CD101: variants seen among roughly 807,000 people sequenced by gnomAD.
The protein encoded by CD101 is CD101 molecule.
In CD101, 76 loss-of-function variants were observed where a neutral mutation model predicts 98.2. That is an observed-to-expected ratio of 0.77 (90% CI 0.64 to 0.94). The LOEUF (loss-of-function observed/expected upper bound fraction) is 0.94. Among genes scored for constraint, CD101 ranks in the 40% least tolerant of loss-of-function variants. The probability of loss-of-function intolerance (pLI) is 0.00; values close to 1 mark genes in which losing one functional copy is unlikely to be tolerated. For missense variants in CD101, 1,145 were observed against 1,218.8 expected (o/e 0.94, Z 0.90); for synonymous variants, 471 against 472.7 (o/e 1.00, Z 0.05).
intron 9 of CD101, among the ~76,000 whole-genome samples, chr1:117,035,834 G>A (rs1363267089): frequency 1.3e-5 from 2 of 152,168 alleles, no homozygotes; most frequent in Non-Finnish European, 2.9e-5. Flanking sequence ...TTACAGGCGT[G>A]AGCCACCACG....
Position 117,004,736 on chromosome 1 carries a change from T to C in CD101, c.43+2876T>C, listed in dbSNP as rs1034711372. Reference sequence around the variant, plus strand: ...TGGCCCCAGTGCATAGCCATTTGAGTTGATCTCTGCCAGTCATGCCTTCTA... The same window carrying C: ...TGGCCCCAGTGCATAGCCATTTGAGCTGATCTCTGCCAGTCATGCCTTCTA... On this transcript the variant is annotated intron_variant, in intron 1 of 9. Transcript: ENST00000682167. This position sits in a 1 kb window ranked among gnomAD's most constrained non-coding sequence, Gnocchi z 4.1. 2.6e-5 allele frequency among the ~76,000 whole-genome samples: 4 copies of C among 152,110 alleles called. No homozygotes were observed.
chr1:117,031,604 G>C (rs1024972133), intron 8 of CD101, among the ~76,000 whole-genome samples: 1 of 152,212 alleles, frequency 6.6e-6, no homozygotes, highest in Non-Finnish European at 1.5e-5. Flanking sequence ...TTCTCTGTCT[G>C]TTCTCTTGGG....
At position 117,021,484 on chromosome 1, in the gene CD101, G is replaced by A; in HGVS notation, c.2018-89G>A. 9.3e-7 allele frequency: 1 copy of A among 1,070,780 alleles called. No homozygotes were observed. Among genetic ancestry groups the A allele is most frequent in the Non-Finnish European group, 1.3e-6 (1 of 761,620 alleles). The allele number at this position is 1,070,780 out of a possible 1,614,324, so 66.3% of individuals were successfully genotyped here. A position where few individuals can be genotyped will look rare whatever the true frequency, so the allele number is the denominator to read the frequency against. On this transcript the variant is annotated intron_variant, in intron 6 of 9. Coordinates refer to ENST00000682167, the MANE Select transcript of CD101 (RefSeq NM_001256106.3). The surrounding 1 kb of genome is among the most constrained non-coding windows in gnomAD (Gnocchi z 4.7). ...GAGTTCACCCATATGATGGCGGGAG[G>A]ATGCAGTGTCATACTTGACCTCTAA...
Position 117,023,940 on chromosome 1 carries a change from A to C in CD101, c.2429-1569A>C, listed in dbSNP as rs1203987217. On this transcript the variant is annotated intron_variant, in intron 7 of 9. Transcript: ENST00000682167. This position sits in a 1 kb window ranked among gnomAD's most constrained non-coding sequence, Gnocchi z 4.4. ...ATTGGACTCCAGTAACAAAAACCAC[A>C]TAGAGGACAGAAAAGGACTAGAGGG... Among the ~76,000 whole-genome samples the C allele has an allele frequency of 6.6e-6, 1 of 152,218 alleles. No individual in the cohort carries two copies. The highest frequency in any genetic ancestry group is 1.5e-5 in the Non-Finnish European group (1 of 68,028).
chr1:117,034,326 G>C, intron 9 of CD101, 192 bp downstream of exon 9: 1 of 566,598 alleles, frequency 1.8e-6, no homozygotes, highest in Non-Finnish European at 3.1e-6. Context: ...CTTGGAACAA[G>C]ATAGCATCAT....
At chr1:117,002,818 C>A (rs1036737924) in intron 1 of CD101, among the ~76,000 whole-genome samples, 1 of 152,130 alleles carries the variant, frequency 6.6e-6, no homozygotes, top group Admixed American at 6.5e-5. Flanking sequence ...TTCAATATAT[C>A]TTAAGTAGTT....
Position 117,019,619 on chromosome 1 carries a change from C to T in CD101, c.2017+1059C>T, listed in dbSNP as rs1286133219. Among the ~76,000 whole-genome samples the T allele has an allele frequency of 6.6e-6, 1 of 152,162 alleles. No individual in the cohort carries two copies. The highest frequency in any genetic ancestry group is 1.5e-5 in the Non-Finnish European group (1 of 68,028). On this transcript the variant is annotated intron_variant, in intron 6 of 9. Transcript: ENST00000682167. This position sits in a 1 kb window ranked among gnomAD's most constrained non-coding sequence, Gnocchi z 4.3. Reference sequence around the variant, plus strand: ...TTGTTCTCTTTTCATTCTATACGCTCTCCTGCAGTGGACTCGTCCCTACCC... The same window carrying T: ...TTGTTCTCTTTTCATTCTATACGCTTTCCTGCAGTGGACTCGTCCCTACCC...
Position 117,018,664 on chromosome 1 carries a change from A to G in CD101, c.2017+104A>G. The G allele has an allele frequency of 1.8e-6, 2 of 1,126,152 alleles. No homozygotes were observed. Among genetic ancestry groups the G allele is most frequent in the South Asian group, 1.6e-5 (1 of 61,364 alleles). 69.8% of individuals were successfully genotyped at this position (1,126,152 alleles called of 1,614,324 possible). A position where few individuals can be genotyped will look rare whatever the true frequency, so the allele number is the denominator to read the frequency against. On this transcript the variant is annotated intron_variant, in intron 6 of 9. Transcript: ENST00000682167. The surrounding 1 kb of genome is among the most constrained non-coding windows in gnomAD (Gnocchi z 4.3). Reference sequence around the variant, plus strand: ...TAAAACATAAAATACTTTCTCCCATATTTGTTCTATCTAAGTAAGCACCAC... The same window carrying G: ...TAAAACATAAAATACTTTCTCCCATGTTTGTTCTATCTAAGTAAGCACCAC...
chr1:117,013,275 C>A, intron 3 of CD101, 131 bp from the exon 4 acceptor site: 1 of 1,106,436 alleles, frequency 9.0e-7, no homozygotes, highest in Non-Finnish European at 1.3e-6. Context: ...GTTTACCTAC[C>A]GCTATAGAAT....
At chr1:117,026,999 A>C (rs1653979758) in intron 8 of CD101, among the ~76,000 whole-genome samples, 1 of 152,216 alleles carries the variant, frequency 6.6e-6, no homozygotes, top group Non-Finnish European at 1.5e-5. Context: ...GAATCTGACC[A>C]GCCTAGGCTC....
In CD101 at chr1:117,013,685, C is replaced by A; in HGVS notation, c.1121C>A (p.Ala374Asp). ...IFSLGPEDEG[A>D]YRCVVAEVMK... Reference sequence around the variant, plus strand: ...TCTCTGGGCCCAGAGGATGAAGGCGCCTACAGATGTGTGGTAGCAGAGGTC... The same window carrying A: ...TCTCTGGGCCCAGAGGATGAAGGCGACTACAGATGTGTGGTAGCAGAGGTC... Residue 374 changes from alanine (A) to aspartate (D), a missense_variant, in exon 4 of 10, where the codon GCC becomes GAC. Ala to Asp is a moderately radical substitution (Grantham distance 126, BLOSUM62 -2). Coordinates refer to ENST00000682167, the MANE Select transcript of CD101 (RefSeq NM_001256106.3). 1.2e-6 allele frequency: 2 copies of A among 1,614,104 alleles called. No individual in the cohort carries two copies. Among genetic ancestry groups the A allele is most frequent in the Non-Finnish European group, 1.7e-6 (2 of 1,180,026 alleles).
chr1:117,025,794 G>A lies in CD101; in HGVS notation c.2714G>A (p.Gly905Glu). The A allele has an allele frequency of 6.2e-7, 1 of 1,614,218 alleles. No homozygotes were observed. Among genetic ancestry groups the A allele is most frequent in the African/African-American group, 1.3e-5 (1 of 75,064 alleles). Residue 905 changes from glycine to glutamate, a missense_variant, in exon 8 of 10, where the codon GGA becomes GAA. By Grantham distance (98) the Gly-to-Glu change is moderately conservative. Coordinates refer to ENST00000682167, the MANE Select transcript of CD101 (RefSeq NM_001256106.3). ...KLHQVEMEDA[G>E]MYWCRVAEWQ... ...CATCAGGTGGAGATGGAGGATGCAGGAATGTACTGGTGTAGGGTGGCAGAG... is the reference window on the plus strand; with the variant it reads ...CATCAGGTGGAGATGGAGGATGCAGAAATGTACTGGTGTAGGGTGGCAGAG...
intron 9 of CD101, among the ~76,000 whole-genome samples, chr1:117,035,304 G>A (rs764858286): frequency 2.0e-5 from 3 of 152,172 alleles, no homozygotes; most frequent in Admixed American, 6.5e-5. Context: ...TCCAAGGAGA[G>A]CAATTTAGTT....
At chr1:117,030,351 A>G (rs1196387201) in intron 8 of CD101, among the ~76,000 whole-genome samples, 1 of 151,970 alleles carries the variant, frequency 6.6e-6, no homozygotes, top group African/African-American at 2.4e-5. Flanking sequence ...ACTTTGCTCC[A>G]GTCTGGATGA....
At position 117,017,185 on chromosome 1, in the gene CD101, C is replaced by A. The variant is rs771116783; in HGVS notation, c.1324C>A (p.Pro442Thr). ...FLCKAGGAES[P>T]LSVSWWHIPR... ...CTGTAAGGCTGGTGGAGCTGAAAGTCCCCTGTCTGTGAGCTGGTGGCACAT... is the reference window on the plus strand; with the variant it reads ...CTGTAAGGCTGGTGGAGCTGAAAGTACCCTGTCTGTGAGCTGGTGGCACAT... The change falls in exon 5 of 10, where the codon CCC (proline) becomes ACC (threonine). Residue 442 changes from proline to threonine, a missense_variant. Physicochemically the swap from Pro to Thr is conservative, Grantham distance 38. Transcript: ENST00000682167. 2 of 1,614,240 alleles carry A rather than the reference C, an allele frequency of 1.2e-6. No individual in the cohort carries two copies. The highest frequency in any genetic ancestry group is 1.7e-6 in the Non-Finnish European group (2 of 1,180,050).
At position 117,011,621 on chromosome 1, in the gene CD101, C is replaced by A; in HGVS notation, c.496C>A (p.Leu166Ile). Reference sequence around the variant, plus strand: ...TAAGGAGGAAGGTGAGCCATTAGCCCTCACCTGTGAGGCATCCAAAGCCAC... The same window carrying A: ...TAAGGAGGAAGGTGAGCCATTAGCCATCACCTGTGAGGCATCCAAAGCCAC... ...LGKEEGEPLA[L>I]TCEASKATAQ... The change falls in exon 3 of 10, where the codon CTC (leucine) becomes ATC (isoleucine). Residue 166 changes from leucine (L) to isoleucine (I), a missense_variant. Leu to Ile is a conservative substitution (Grantham distance 5, BLOSUM62 2). Coordinates refer to ENST00000682167, the MANE Select transcript of CD101 (RefSeq NM_001256106.3). 1 of 1,614,128 alleles carries A rather than the reference C, an allele frequency of 6.2e-7. No individual in the cohort carries two copies. The highest frequency in any genetic ancestry group is 1.1e-5 in the South Asian group (1 of 91,058).
chr1:117,023,615 C>T lies in CD101; in HGVS notation c.2428+1632C>T, dbSNP rs909158631. Among the ~76,000 whole-genome samples, 14 of 152,056 alleles carry T rather than the reference C, an allele frequency of 9.2e-5. No individual in the cohort carries two copies. The highest frequency in any genetic ancestry group is 2.9e-4 in the African/African-American group (12 of 41,380). Reference sequence around the variant, plus strand: ...TAATTTTAGTAGAGACAGGGTTTTACCATGTTGCTCAGGCTGGTCTTGAAC... The same window carrying T: ...TAATTTTAGTAGAGACAGGGTTTTATCATGTTGCTCAGGCTGGTCTTGAAC... On this transcript the variant is annotated intron_variant, in intron 7 of 9. Coordinates refer to ENST00000682167, the MANE Select transcript of CD101 (RefSeq NM_001256106.3). The surrounding 1 kb of genome is among the most constrained non-coding windows in gnomAD (Gnocchi z 4.4).
At position 117,025,552 on chromosome 1, in the gene CD101, G is replaced by C. The variant is rs1177118799; in HGVS notation, c.2472G>C (p.Val824=). Residue 824 remains valine (V), a synonymous_variant, in exon 8 of 10, where the codon GTG becomes GTC. Transcript: ENST00000682167. ...CCAAAGTGTACTGGACCGAAAATGT[G>C]ACTGAGCACAGAGAAGTGGCCATCC... ...RVSKVYWTEN[V]TEHREVAIRC... The C allele has an allele frequency of 6.2e-7, 1 of 1,604,430 alleles. No homozygotes were observed. Among genetic ancestry groups the C allele is most frequent in the Non-Finnish European group, 8.5e-7 (1 of 1,175,396 alleles).
At position 117,017,410 on chromosome 1, in the gene CD101, T is replaced by C; in HGVS notation, c.1549T>C (p.Ser517Pro). 1 of 1,614,178 alleles carries C rather than the reference T, an allele frequency of 6.2e-7. No homozygotes were observed. The highest frequency in any genetic ancestry group is 8.5e-7 in the Non-Finnish European group (1 of 1,180,000). The change falls in exon 5 of 10, where the codon TCT (serine) becomes CCT (proline). Residue 517 changes from serine to proline, a missense_variant. By Grantham distance (74) the Ser-to-Pro change is moderately conservative (BLOSUM62 -1). Transcript: ENST00000682167. ...ATATGAGTGCAGAGTATCTGAGAAG[T>C]CTCGGAACCAGGCCAGAGATCTGAG... ...GTYECRVSEK[S>P]RNQARDLSWT... is the part of the protein sequence containing the mutation.
Sources: gnomAD v4.1 joint callset for allele counts (sites outside exome capture counted in the v4.1 genomes callset) on GRCh38, gnomAD v4.1.1 for gene constraint, Gnocchi (gnomAD v3.1) non-coding constraint, MANE v1.5 for transcripts, NCBI Gene and HGNC (gene_info 2026-07-23, HGNC 2026-07-21) for gene names.